The following GPR63 variants were observed in gnomAD, a reference collection of about 807,000 sequenced individuals.
GPR63 encodes probable G protein-coupled receptor 63.
In GPR63, 12 loss-of-function variants were observed where a neutral mutation model predicts 23.1. That is an observed-to-expected ratio of 0.52 (90% CI 0.33 to 0.84). The LOEUF (loss-of-function observed/expected upper bound fraction) is 0.84. Among genes scored for constraint, GPR63 ranks in the 40% least tolerant of loss-of-function variants. GPR63 has a pLI of 0.02. For synonymous variants in GPR63, 172 were observed against 191.1 expected (o/e 0.90, Z 0.82); for missense variants, 472 against 515.6 (o/e 0.92, Z 0.82).
chr6:96,827,255 T>C (rs1040867306), intron 1 of GPR63, among the ~76,000 whole-genome samples: 4 of 152,032 alleles, frequency 2.6e-5, no homozygotes, highest in African/African-American at 9.7e-5. Context: ...AAAATATAAC[T>C]GATATTAAAA....
chr6:96,799,777 C>T lies in GPR63; in HGVS notation c.-46G>A. The stretch of plus-strand genomic sequence containing the variant: ...TGCAAGCAGAGATGCAGGAGTTCTT[C>T]AAGCATTTCAACACAGAACAGCAGT... On this transcript the variant is annotated 5_prime_UTR_variant, in exon 2 of 2. Transcript: ENST00000229955. 1 of 1,598,210 alleles carries T rather than the reference C, an allele frequency of 6.3e-7. No individual in the cohort carries two copies. The highest frequency in any genetic ancestry group is 8.6e-7 in the Non-Finnish European group (1 of 1,165,608).
At chr6:96,829,559 G>C (rs1160873978) in intron 1 of GPR63, among the ~76,000 whole-genome samples, 1 of 152,084 alleles carries the variant, frequency 6.6e-6, no homozygotes, top group Admixed American at 6.5e-5. Flanking sequence ...AATTAGACAG[G>C]CATAGTGGCA....
At chr6:96,801,089 G>T (rs28618147) in intron 1 of GPR63, among the ~76,000 whole-genome samples, 12,213 of 152,170 alleles carry the variant, frequency 0.08, 844 homozygotes, top group African/African-American at 0.19. Flanking sequence ...TTAGAAAGAA[G>T]TCTCTGAATT....
At chr6:96,829,418 C>T (rs571248528) in intron 1 of GPR63, among the ~76,000 whole-genome samples, 5 of 152,262 alleles carry the variant, frequency 3.3e-5, no homozygotes, top group South Asian at 4.2e-4. Flanking sequence ...TTAGGACAGG[C>T]ACGGTGGCTG....
In GPR63 at chr6:96,798,543, G is replaced by A. The variant is rs1773655330; in HGVS notation, c.1189C>T (p.Pro397Ser). The A allele has an allele frequency of 1.2e-6, 2 of 1,614,168 alleles. No individual in the cohort carries two copies. The highest frequency in any genetic ancestry group is 1.1e-5 in the South Asian group (1 of 91,072). Residue 397 changes from proline to serine, a missense_variant, in exon 2 of 2, where the codon CCT becomes TCT. Pro to Ser is a moderately conservative substitution (Grantham distance 74, BLOSUM62 -1). Transcript: ENST00000229955. ...PKSFKFLPQL[P>S]GHTKRRIRPS... is the part of the protein sequence containing the mutation. ...CGTATCCGTCGCTTTGTGTGACCAG[G>A]GAGCTGCGGCAAAAACTTGAAGGAC...
At chr6:96,826,213 C>T (rs1774434626) in intron 1 of GPR63, among the ~76,000 whole-genome samples, 1 of 152,052 alleles carries the variant, frequency 6.6e-6, no homozygotes, top group South Asian at 2.1e-4. Flanking sequence ...ATTTTAAAGG[C>T]AAAGCCTAGA....
At chr6:96,810,532 T>G (rs1260841574) in intron 1 of GPR63, among the ~76,000 whole-genome samples, 1 of 149,720 alleles carries the variant, frequency 6.7e-6, no homozygotes, top group African/African-American at 2.5e-5. Context: ...TTAAATAAAG[T>G]GTGATACATA....
At chr6:96,814,165 A>AGTT (rs146882403) in intron 1 of GPR63, among the ~76,000 whole-genome samples, 1,728 of 152,218 alleles carry the variant, frequency 0.011, 38 homozygotes, top group African/African-American at 0.039. Context: ...TATGTATAAA[A>AGTT]CCTTAAGTTT....
At position 96,807,998 on chromosome 6, in the gene GPR63, C is replaced by T. The variant is rs969435587; in HGVS notation, c.-150-8117G>A. ...TTAAACCCAGGAAGTGTGTTCTTAG[C>T]CACTACGCTATGCTGTAAAACAGAG... On this transcript the variant is annotated intron_variant, in intron 1 of 1. Transcript: ENST00000229955. Among the ~76,000 whole-genome samples, 3 of 152,270 alleles carry T rather than the reference C, an allele frequency of 2.0e-5. No homozygotes were observed. In the East Asian group the frequency reaches 5.8e-4, roughly 29 times the overall value.
At chr6:96,812,813 T>A (rs531061352) in intron 1 of GPR63, among the ~76,000 whole-genome samples, 5 of 152,246 alleles carry the variant, frequency 3.3e-5, no homozygotes, top group African/African-American at 1.2e-4. Flanking sequence ...GGAGTATCCA[T>A]CATCTAGAGT....
At chr6:96,824,767 T>C (rs1469385225) in intron 1 of GPR63, among the ~76,000 whole-genome samples, 5 of 152,128 alleles carry the variant, frequency 3.3e-5, no homozygotes, top group African/African-American at 1.2e-4. Context: ...GTTTGGTTGT[T>C]ACTGGGTTTC....
Position 96,799,850 on chromosome 6 carries a change from A to G in GPR63, c.-119T>C. 1.0e-6 allele frequency: 1 copy of G among 972,840 alleles called. No homozygotes were observed. 60.3% of individuals were successfully genotyped at this position (972,840 alleles called of 1,614,324 possible). A position where few individuals can be genotyped will look rare whatever the true frequency, so the allele number is the denominator to read the frequency against. On this transcript the variant is annotated 5_prime_UTR_variant, in exon 2 of 2. Transcript: ENST00000229955. ...GGAAATACATTCTGGAAAATGGACA[A>G]TGAGTTCCATCTTCCACAAGAGTCC...
chr6:96,809,912 T>C (rs775870001), intron 1 of GPR63, among the ~76,000 whole-genome samples: 6 of 152,178 alleles, frequency 3.9e-5, no homozygotes, highest in Non-Finnish European at 8.8e-5. Context: ...AAGTGAATTA[T>C]AAACTACAAA....
Position 96,837,314 on chromosome 6 carries a change from G to T in GPR63, c.-197C>A, listed in dbSNP as rs1774760960. 2 of 152,466 alleles carry T rather than the reference G, an allele frequency of 1.3e-5. No homozygotes were observed. Among genetic ancestry groups the T allele is most frequent in the South Asian group, 2.1e-4 (1 of 4,858 alleles). 9.4% of individuals were successfully genotyped at this position (152,466 alleles called of 1,614,324 possible). A position where few individuals can be genotyped will look rare whatever the true frequency, so the allele number is the denominator to read the frequency against. ...GGGCGCCCGCGGAAGAGCCCAGGGA[G>T]CATGGCTCCATGTAGTCCCTCCCGG... On this transcript the variant is annotated 5_prime_UTR_variant, in exon 1 of 2. The change creates a premature stop within an existing upstream ORF in the 5' untranslated region. Transcript: ENST00000229955.
Position 96,797,910 on chromosome 6 carries a change from C to T in GPR63, c.*562G>A, listed in dbSNP as rs1773633649. The T allele has an allele frequency of 6.6e-6, 1 of 152,324 alleles. No individual in the cohort carries two copies. The allele number at this position is 152,324 out of a possible 1,614,324, so 9.4% of individuals were successfully genotyped here. On this transcript the variant is annotated 3_prime_UTR_variant, in exon 2 of 2. Transcript: ENST00000229955. ...GCACATATCATGTATAAAAACAATT[C>T]TGAAAAATAAGACTGAATTAATTTG...
intron 1 of GPR63, among the ~76,000 whole-genome samples, chr6:96,835,073 T>C (rs1214865899): frequency 2.0e-5 from 3 of 152,194 alleles, no homozygotes; most frequent in Admixed American, 6.5e-5. Context: ...CAATTATCCA[T>C]TGGCAGGGTA....
intron 1 of GPR63, among the ~76,000 whole-genome samples, chr6:96,836,941 T>A (rs542370708): frequency 6.6e-6 from 1 of 150,636 alleles, no homozygotes; most frequent in Admixed American, 6.6e-5. Flanking sequence ...CGGCATGGGG[T>A]GCCCCTCTGC....
intron 1 of GPR63, among the ~76,000 whole-genome samples, chr6:96,825,638 G>A (rs958659407): frequency 6.6e-6 from 1 of 151,916 alleles, no homozygotes; most frequent in South Asian, 2.1e-4. Flanking sequence ...TCAAGGTGAG[G>A]AAAAGTAAAA....
intron 1 of GPR63, among the ~76,000 whole-genome samples, chr6:96,820,952 C>T (rs1201231782): frequency 1.3e-5 from 2 of 152,092 alleles, no homozygotes; most frequent in Non-Finnish European, 2.9e-5. Flanking sequence ...ATGATTTTGG[C>T]GTGTTCTTTG....
Sources: allele counts gnomAD v4.1 joint callset (sites outside exome capture counted in the v4.1 genomes callset), GRCh38; gene constraint gnomAD v4.1.1; transcripts MANE v1.5; gene names NCBI Gene and HGNC (gene_info 2026-07-23, HGNC 2026-07-21).